Variants in MAPK10 observed in about 807,000 individuals in gnomAD.
MAPK10 encodes mitogen-activated protein kinase 10, also known as JNK3 alpha protein kinase.
In MAPK10, 25 loss-of-function variants were observed where a neutral mutation model predicts 59.3. That is an observed-to-expected ratio of 0.42 (90% CI 0.31 to 0.59). The LOEUF (loss-of-function observed/expected upper bound fraction) is 0.59, where lower values mean the gene tolerates loss of function less well. MAPK10 is among the 20% of genes least tolerant of loss of function. MAPK10 has a pLI of 0.15. For synonymous variants in MAPK10, 190 were observed against 200.5 expected, an observed-to-expected ratio of 0.95 and a Z score of 0.44; for missense variants, 351 against 568.9, an observed-to-expected ratio of 0.62 and a Z score of 3.90.
chr4:86,402,397 A>C (rs895963505), intron 1 of MAPK10, among the ~76,000 whole-genome samples: 1 of 152,196 alleles, frequency 6.6e-6, no homozygotes. Flanking sequence ...ATGGAAGCAG[A>C]AACATACTTG....
upstream of MAPK10, among the ~76,000 whole-genome samples, chr4:86,363,036 A>G (rs1403740183): frequency 6.6e-6 from 1 of 152,228 alleles, no homozygotes; most frequent in African/African-American, 2.4e-5. Flanking sequence ...AAGCAGGAAC[A>G]ACTCCAAATA....
At chr4:86,502,998 C>T (rs77236674) in intron 1 of MAPK10, among the ~76,000 whole-genome samples, 7,386 of 152,110 alleles carry the variant, frequency 0.049, 234 homozygotes, top group African/African-American at 0.061. Context: ...CAGAAGATTA[C>T]AGTTTCCAAT....
chr4:86,490,197 A>G (rs950519907), intron 1 of MAPK10, among the ~76,000 whole-genome samples: 1 of 152,164 alleles, frequency 6.6e-6, no homozygotes, highest in Non-Finnish European at 1.5e-5. Context: ...TCCTATTCCT[A>G]TGATTCCAAG....
chr4:86,554,776 C>G (rs537629848), intron 1 of MAPK10, among the ~76,000 whole-genome samples: 1 of 152,282 alleles, frequency 6.6e-6, no homozygotes, highest in South Asian at 2.1e-4. Context: ...ACAATTTCCC[C>G]TGATTTTCCA....
intron 9 of MAPK10, chr4:86,089,612 T>C (rs972566004): frequency 1.5e-5 from 3 of 195,734 alleles, no homozygotes; most frequent in Non-Finnish European, 3.1e-5. Flanking sequence ...CTGATTTTTA[T>C]CATAAATTAT....
chr4:86,271,008 C>A (rs1255310601), intron 2 of MAPK10, among the ~76,000 whole-genome samples: 1 of 151,934 alleles, frequency 6.6e-6, no homozygotes, highest in African/African-American at 2.4e-5. Flanking sequence ...TGGACATATA[C>A]TTTCATTTCT....
At chr4:86,476,683 C>T (rs948703089) in intron 1 of MAPK10, among the ~76,000 whole-genome samples, 1 of 152,130 alleles carries the variant, frequency 6.6e-6, no homozygotes, top group African/African-American at 2.4e-5. Flanking sequence ...TTAACCTCAC[C>T]TTTAAGGTGT....
chr4:86,229,228 A>T lies in MAPK10; in HGVS notation c.-6-34821T>A, dbSNP rs563034111. Among the ~76,000 whole-genome samples, 15 of 152,306 alleles carry T rather than the reference A, an allele frequency of 9.8e-5. No individual in the cohort carries two copies. In the East Asian group the frequency reaches 2.9e-3, roughly 29 times the overall value. ...TCACACTTCCACATTCCCAAATACA[A>T]CAATCATGTACTATTAAAATATTTT... On this transcript the variant is annotated intron_variant, in intron 2 of 13. Transcript: ENST00000641462.
At chr4:86,082,667 T>A (rs1324815582) in intron 9 of MAPK10, among the ~76,000 whole-genome samples, 1 of 152,118 alleles carries the variant, frequency 6.6e-6, no homozygotes, top group East Asian at 1.9e-4. Context: ...AAAGGGTAGA[T>A]AACAAGGGAA....
intron 1 of MAPK10, among the ~76,000 whole-genome samples, chr4:86,567,069 C>CA (rs936156653): frequency 2.6e-5 from 4 of 151,954 alleles, no homozygotes; most frequent in Non-Finnish European, 5.9e-5. Flanking sequence ...AAAACAAAAA[C>CA]AAAAATAAAA....
At chr4:86,452,582 TTAAAAA>T (rs1422876751) in intron 1 of MAPK10, among the ~76,000 whole-genome samples, 1 of 152,142 alleles carries the variant, frequency 6.6e-6, no homozygotes, top group African/African-American at 2.4e-5. Context: ...TGATAATTTA[TTAAAAA>T]TAATTAGGAA....
At chr4:86,560,792 G>A (rs1305415421) in intron 1 of MAPK10, among the ~76,000 whole-genome samples, 1 of 152,232 alleles carries the variant, frequency 6.6e-6, no homozygotes, top group African/African-American at 2.4e-5. Context: ...AAAATAAAGA[G>A]ACTTAAAATC....
chr4:86,045,787 T>C (rs2042382964), intron 11 of MAPK10, among the ~76,000 whole-genome samples: 1 of 151,556 alleles, frequency 6.6e-6, no homozygotes, highest in African/African-American at 2.4e-5. Flanking sequence ...CACCCTCTCT[T>C]GACCCTGGGA....
intron 1 of MAPK10, among the ~76,000 whole-genome samples, chr4:86,460,004 C>T (rs1751590698): frequency 6.6e-6 from 1 of 151,864 alleles, no homozygotes; most frequent in African/African-American, 2.4e-5. Context: ...ATTTGAGATT[C>T]CCTGGGAAAG....
chr4:86,139,868 C>T (rs1426671502), intron 4 of MAPK10, among the ~76,000 whole-genome samples: 32 of 148,356 alleles, frequency 2.2e-4, no homozygotes, highest in Middle Eastern at 6.8e-3. Context: ...AAAAAGTGGG[C>T]GAAGGACATG....
chr4:86,171,897 T>C (rs1477517663), intron 3 of MAPK10, among the ~76,000 whole-genome samples: 1 of 150,498 alleles, frequency 6.6e-6, no homozygotes, highest in Non-Finnish European at 1.5e-5. Context: ...AACAACCCCA[T>C]CAAAAAGTGG....
chr4:86,233,327 C>T (rs2091843902), intron 2 of MAPK10, among the ~76,000 whole-genome samples: 1 of 152,080 alleles, frequency 6.6e-6, no homozygotes, highest in Admixed American at 6.6e-5. Context: ...TAAATGATGG[C>T]TCTGTGAGGC....
chr4:86,327,421 T>TA (rs1236223319), intron 2 of MAPK10: 4 of 152,088 alleles, frequency 2.6e-5, no homozygotes, highest in Non-Finnish European at 5.9e-5. Flanking sequence ...TCTCATTTTT[T>TA]AAAAAATATG....
chr4:86,074,936 G>A (rs1366055937), intron 9 of MAPK10, among the ~76,000 whole-genome samples: 1 of 139,168 alleles, frequency 7.2e-6, no homozygotes, highest in African/African-American at 2.8e-5. Flanking sequence ...TCTGAACGTT[G>A]GCCTGCCTTG....
Sources: gnomAD v4.1 joint callset for allele counts (sites outside exome capture counted in the v4.1 genomes callset) on GRCh38, gnomAD v4.1.1 for gene constraint, MANE v1.5 for transcripts, NCBI Gene and HGNC (gene_info 2026-07-23, HGNC 2026-07-21) for gene names.